PARD3B: variants seen among roughly 807,000 people sequenced by gnomAD.
PARD3B encodes par-3 family cell polarity regulator beta.
In PARD3B, 103 loss-of-function variants were observed where a neutral mutation model predicts 130.2. The ratio of observed to expected loss-of-function variants is 0.79; its 90% CI spans 0.67 to 0.93. The LOEUF (loss-of-function observed/expected upper bound fraction) is 0.93, where lower values mean the gene tolerates loss of function less well. Among genes scored for constraint, PARD3B ranks in the 40% least tolerant of loss-of-function variants. The pLI, the probability that PARD3B is intolerant of heterozygous loss-of-function variation, is 0.00. For synonymous variants in PARD3B, 583 were observed against 553.2 expected (o/e 1.05, Z -0.76); for missense variants, 1,609 against 1,499.2 (o/e 1.07, Z -1.21).
intron 2 of PARD3B, among the ~76,000 whole-genome samples, chr2:204,875,767 T>A (rs2045818134): frequency 6.6e-6 from 1 of 152,182 alleles, no homozygotes; most frequent in Non-Finnish European, 1.5e-5. Flanking sequence ...AAAAAGGAAA[T>A]GGACTTTGAG....
chr2:204,655,407 A>G (rs1025175148), intron 1 of PARD3B, among the ~76,000 whole-genome samples: 1 of 152,042 alleles, frequency 6.6e-6, no homozygotes, highest in Admixed American at 6.6e-5. Flanking sequence ...TCTGTTCTAT[A>G]TAAGATGCCC....
At chr2:204,897,130 T>C (rs1376291677) in intron 2 of PARD3B, among the ~76,000 whole-genome samples, 3 of 152,176 alleles carry the variant, frequency 2.0e-5, no homozygotes, top group Non-Finnish European at 4.4e-5. Context: ...TTATAAGGTC[T>C]TCACAAAATT....
Position 204,980,446 on chromosome 2 carries a change from C to A in PARD3B, c.394+15123C>A, listed in dbSNP as rs1286490435. Among the ~76,000 whole-genome samples the A allele has an allele frequency of 2.0e-5, 3 of 152,132 alleles. No individual in the cohort carries two copies. In the East Asian group the frequency reaches 5.8e-4, roughly 29 times the overall value. ...AAATAATATATATAGATAGTACTTT[C>A]ACCTTGAGTATGGGATGAACTTGAT... is the stretch of plus-strand genomic sequence containing the variant. On this transcript the variant is annotated intron_variant, in intron 3 of 22. Transcript: ENST00000406610.
intron 19 of PARD3B, among the ~76,000 whole-genome samples, chr2:205,413,625 GAAA>G (rs144774150): frequency 0.025 from 3,744 of 152,264 alleles, 55 homozygotes; most frequent in South Asian, 0.041. Flanking sequence ...ATGGTGTCAA[GAAA>G]TATGAGGTTA....
At chr2:205,192,047 G>A (rs2036427978) in intron 14 of PARD3B, among the ~76,000 whole-genome samples, 1 of 152,082 alleles carries the variant, frequency 6.6e-6, no homozygotes, top group Admixed American at 6.6e-5. Flanking sequence ...TTTACCCACG[G>A]CATTATAAAA....
chr2:205,447,971 A>G (rs1371324258), intron 20 of PARD3B, among the ~76,000 whole-genome samples: 3 of 152,192 alleles, frequency 2.0e-5, no homozygotes, highest in Admixed American at 6.5e-5. Context: ...TAGGTATTTA[A>G]AGTGACTGCT....
intron 1 of PARD3B, among the ~76,000 whole-genome samples, chr2:204,668,409 C>G (rs1325344853): frequency 6.6e-6 from 1 of 152,158 alleles, no homozygotes; most frequent in Non-Finnish European, 1.5e-5. Context: ...CCTCTGTTGT[C>G]TCATGGACTG....
intron 3 of PARD3B, among the ~76,000 whole-genome samples, chr2:204,998,216 G>A (rs1380024706): frequency 1.4e-5 from 2 of 147,798 alleles, no homozygotes; most frequent in Non-Finnish European, 3.0e-5. Flanking sequence ...AATACCTAAT[G>A]TAGATGATGG....
intron 2 of PARD3B, among the ~76,000 whole-genome samples, chr2:204,870,484 G>A (rs1220191457): frequency 2.0e-5 from 3 of 152,090 alleles, no homozygotes; most frequent in South Asian, 2.1e-4. Flanking sequence ...CTCTTGACAA[G>A]CCAGGAAATA....
intron 3 of PARD3B, among the ~76,000 whole-genome samples, chr2:205,012,126 C>G (rs917215878): frequency 1.3e-5 from 2 of 152,178 alleles, no homozygotes; most frequent in Non-Finnish European, 2.9e-5. Context: ...TCAGCTGTCT[C>G]TCTTCTGGAG....
chr2:204,770,721 C>G (rs987015574), intron 2 of PARD3B, among the ~76,000 whole-genome samples: 7 of 151,944 alleles, frequency 4.6e-5, no homozygotes, highest in African/African-American at 1.7e-4. Context: ...ACTACTCATA[C>G]CTACTGACAT....
chr2:205,194,666 A>G (rs892241094), intron 15 of PARD3B, among the ~76,000 whole-genome samples: 2 of 152,188 alleles, frequency 1.3e-5, no homozygotes, highest in Non-Finnish European at 1.5e-5. Flanking sequence ...ATGTTTCTAA[A>G]AAGAAAAAAC....
rs1377146127 is a variant in PARD3B, at chr2:205,104,517, A to G, written c.593+3A>G. 2 of 1,497,142 alleles carry G rather than the reference A, an allele frequency of 1.3e-6. No individual in the cohort carries two copies. The highest frequency in any genetic ancestry group is 1.9e-6 in the Non-Finnish European group (2 of 1,074,178). The allele number at this position is 1,497,142 out of a possible 1,614,324, so 92.7% of individuals were successfully genotyped here. ...CCAAGAACTAAGGACACATTGAGGT[A>G]TTCTCTTTATACAGATAAGAATATC... On this transcript the variant is annotated splice_donor_region_variant and intron_variant, in intron 5 of 22. Transcript: ENST00000406610.
chr2:204,855,371 G>A (rs1331007957), intron 2 of PARD3B, among the ~76,000 whole-genome samples: 1 of 151,742 alleles, frequency 6.6e-6, no homozygotes, highest in South Asian at 2.1e-4. Context: ...GGTGAAACCC[G>A]TCTCTACTAA....
intron 21 of PARD3B, among the ~76,000 whole-genome samples, chr2:205,522,102 A>ATATTTAATAAAAAT (rs1179217254): frequency 6.6e-6 from 1 of 151,578 alleles, no homozygotes; most frequent in East Asian, 1.9e-4. Context: ...ACCAAATAAT[A>ATATTTAATAAAAAT]TATTTAATAA....
At chr2:205,488,908 C>A (rs2049555545) in intron 20 of PARD3B, among the ~76,000 whole-genome samples, 1 of 152,148 alleles carries the variant, frequency 6.6e-6, no homozygotes, top group Non-Finnish European at 1.5e-5. Context: ...TATCACTATA[C>A]TCCAGCCATG....
chr2:205,292,868 A>G lies in PARD3B; in HGVS notation c.2186-7662A>G, dbSNP rs2041659406. Among the ~76,000 whole-genome samples, 1 of 152,216 alleles carries G rather than the reference A, an allele frequency of 6.6e-6. No individual in the cohort carries two copies. Among genetic ancestry groups the G allele is most frequent in the African/African-American group, 2.4e-5 (1 of 41,454 alleles). ...TTCCATTCCTCTTAGGACCAAGCACAGTTATGAGCCACAAAAAATACCCAG... is the reference window on the plus strand; with the variant it reads ...TTCCATTCCTCTTAGGACCAAGCACGGTTATGAGCCACAAAAAATACCCAG... On this transcript the variant is annotated intron_variant, in intron 16 of 22. Transcript: ENST00000406610. This position sits in a 1 kb window ranked among gnomAD's most constrained non-coding sequence, Gnocchi z 5.3.
intron 2 of PARD3B, among the ~76,000 whole-genome samples, chr2:204,761,235 A>G (rs2040885120): frequency 1.3e-5 from 2 of 152,154 alleles, no homozygotes; most frequent in African/African-American, 4.8e-5. Context: ...TAAAGAATTT[A>G]TTTTAGTGTT....
chr2:204,714,322 T>G (rs1205850362), intron 2 of PARD3B, among the ~76,000 whole-genome samples: 1 of 152,178 alleles, frequency 6.6e-6, no homozygotes, highest in African/African-American at 2.4e-5. Flanking sequence ...CACATAACCC[T>G]TTTCCTTATT....
Sources: allele counts gnomAD v4.1 joint callset (sites outside exome capture counted in the v4.1 genomes callset), GRCh38; gene constraint gnomAD v4.1.1; non-coding constraint Gnocchi (gnomAD v3.1); transcripts MANE v1.5; gene names NCBI Gene and HGNC (gene_info 2026-07-23, HGNC 2026-07-21).